OTOGL: variants seen among roughly 807,000 people sequenced by gnomAD.
OTOGL encodes otogelin-like protein.
In OTOGL, 285 loss-of-function variants were observed where a neutral mutation model predicts 318.5. That is an observed-to-expected ratio of 0.89 (90% CI 0.81 to 0.99). OTOGL has a LOEUF of 0.99. OTOGL is among the 50% of genes least tolerant of loss of function. The pLI is 0.00. For synonymous variants in OTOGL, 987 were observed against 936.5 expected, an observed-to-expected ratio of 1.05 and a Z score of -0.99; for missense variants, 2,899 against 2,845.6, an observed-to-expected ratio of 1.02 and a Z score of -0.43.
intron 1 of OTOGL, among the ~76,000 whole-genome samples, chr12:80,196,315 C>T (rs1876063886): frequency 6.6e-6 from 1 of 152,224 alleles, no homozygotes; most frequent in African/African-American, 2.4e-5. Context: ...TTCAACTATG[C>T]ACCTTACATG....
intron 1 of OTOGL, among the ~76,000 whole-genome samples, chr12:80,184,941 GA>G (rs1278312464): frequency 6.6e-6 from 1 of 152,172 alleles, no homozygotes; most frequent in Non-Finnish European, 1.5e-5. Flanking sequence ...ACAAGTATTG[GA>G]CTGTTACTCA....
chr12:80,304,810 G>C (rs1245544397), intron 28 of OTOGL, among the ~76,000 whole-genome samples: 3 of 152,066 alleles, frequency 2.0e-5, no homozygotes, highest in Non-Finnish European at 4.4e-5. Context: ...AGAAGCAGTA[G>C]AACTACTCCT....
chr12:80,333,494 A>T (rs1245313878), intron 38 of OTOGL, among the ~76,000 whole-genome samples: 2 of 151,958 alleles, frequency 1.3e-5, no homozygotes, highest in Non-Finnish European at 2.9e-5. Flanking sequence ...TTGGGCAGAG[A>T]TCTTCTTATA....
intron 32 of OTOGL, among the ~76,000 whole-genome samples, chr12:80,316,919 CTA>C (rs1448789727): frequency 3.9e-5 from 6 of 152,066 alleles, no homozygotes; most frequent in Admixed American, 3.3e-4. Flanking sequence ...ATGCCAGACA[CTA>C]TGTTATTAAG....
chr12:80,157,781 C>T (rs1456628995), intron 1 of OTOGL, among the ~76,000 whole-genome samples: 2 of 151,920 alleles, frequency 1.3e-5, no homozygotes, highest in Admixed American at 1.3e-4. Context: ...TTCTATTGGT[C>T]TGTGTGTCTG....
intron 29 of OTOGL, among the ~76,000 whole-genome samples, chr12:80,306,747 C>A (rs1886130916): frequency 6.7e-6 from 1 of 148,710 alleles, no homozygotes; most frequent in Non-Finnish European, 1.5e-5. Flanking sequence ...CTTCTCTCTG[C>A]AAATGAATTA....
At chr12:80,140,427 A>G (rs536662482) in intron 1 of OTOGL, among the ~76,000 whole-genome samples, 10 of 152,344 alleles carry the variant, frequency 6.6e-5, no homozygotes, top group African/African-American at 1.9e-4. Context: ...GTCAGGTGAC[A>G]TAAGATTTCA....
chr12:80,351,116 G>A (rs1889517360), intron 44 of OTOGL, among the ~76,000 whole-genome samples: 1 of 152,080 alleles, frequency 6.6e-6, no homozygotes, highest in Non-Finnish European at 1.5e-5. Context: ...TCATTCAACT[G>A]CTAGTGGATA....
At chr12:80,117,946 C>T (rs1325707493) in intron 1 of OTOGL, among the ~76,000 whole-genome samples, 1 of 152,172 alleles carries the variant, frequency 6.6e-6, no homozygotes, top group Non-Finnish European at 1.5e-5. Context: ...ACATATTCTC[C>T]TTTCTTCAAA....
intron 1 of OTOGL, chr12:80,133,623 G>A (rs1289468835): frequency 6.6e-6 from 1 of 151,838 alleles, no homozygotes; most frequent in Admixed American, 6.6e-5. Context: ...CCCAGACTAG[G>A]TCAGCTAACC....
intron 1 of OTOGL, among the ~76,000 whole-genome samples, chr12:80,188,952 G>A (rs11114348): frequency 3.3e-5 from 5 of 152,016 alleles, no homozygotes; most frequent in East Asian, 3.9e-4. Flanking sequence ...TCATCCTCCC[G>A]TTCTCTCTGT....
In OTOGL at chr12:80,189,416, C is replaced by G. The variant is rs1486434722; in HGVS notation, c.-19-19997C>G. On this transcript the variant is annotated intron_variant, in intron 1 of 58. Transcript: ENST00000547103. Reference sequence around the variant, plus strand: ...TTTGACCAATTGACCAAACAAGACCCAAGCAGCTGGGAAGTTTGTCAAGTC... The same window carrying G: ...TTTGACCAATTGACCAAACAAGACCGAAGCAGCTGGGAAGTTTGTCAAGTC... The G allele has an allele frequency of 3.0e-6, 3 of 985,144 alleles. No individual in the cohort carries two copies. The East Asian group carries it at 3.4e-4, about 112-fold the overall frequency. The allele number at this position is 985,144 out of a possible 1,614,324, so 61.0% of individuals were successfully genotyped here. A position where few individuals can be genotyped will look rare whatever the true frequency, so the allele number is the denominator to read the frequency against.
At position 80,308,915 on chromosome 12, in the gene OTOGL, C is replaced by T. The variant is rs868451644; in HGVS notation, c.3334-1696C>T. Among the ~76,000 whole-genome samples the T allele has an allele frequency of 2.8e-3, 428 of 152,190 alleles. 6 individuals carry two copies. The highest frequency in any genetic ancestry group is 9.7e-3 in the African/African-American group (402 of 41,504). On this transcript the variant is annotated intron_variant, in intron 29 of 58. Coordinates refer to ENST00000547103, the MANE Select transcript of OTOGL (RefSeq NM_001378609.3). ...AGGTTGCAGTGAGCCGAGATGGCAG[C>T]AGTACCGTCCAGCTTCGGCTCGGCA...
rs1888946476 is a variant in OTOGL at position 80,343,515 on chromosome 12, T to TG, written c.5265+1353_5265+1354insG. The TG allele has an allele frequency of 2.7e-5, 3 of 111,162 alleles. 1 individual carries two copies. Among genetic ancestry groups the TG allele is most frequent in the African/African-American group, 7.4e-5 (2 of 26,990 alleles). 6.9% of individuals were successfully genotyped at this position (111,162 alleles called of 1,614,324 possible). The stretch of plus-strand genomic sequence containing the variant: ...TTTATTATTTTTTATTCTTGTTTTT[T>TG]TTTTTTTTTTTTTTTTTTTTTAACT... On this transcript the variant is annotated intron_variant, in intron 44 of 58. Coordinates refer to ENST00000547103, the MANE Select transcript of OTOGL (RefSeq NM_001378609.3).
At position 80,251,803 on chromosome 12, in the gene OTOGL, T is replaced by C. The variant is rs1285130907; in HGVS notation, c.1159+4T>C. On this transcript the variant is annotated splice_donor_region_variant and intron_variant, in intron 12 of 58. Transcript: ENST00000547103. ...AGAGATGACTTTCCAGCATGCAGTA[T>C]GTTTTTTTATTTTCCAAGCCCTGTG... is the stretch of plus-strand genomic sequence containing the variant. 4.5e-6 allele frequency: 7 copies of C among 1,559,838 alleles called. No individual in the cohort carries two copies. Among genetic ancestry groups the C allele is most frequent in the Admixed American group, 1.9e-5 (1 of 52,092 alleles).
At chr12:80,343,461 T>C (rs1888915591) in intron 44 of OTOGL, 1 of 150,428 alleles carries the variant, frequency 6.6e-6, no homozygotes, top group African/African-American at 2.4e-5. Flanking sequence ...CACTGTATTA[T>C]TTTTTACATT....
chr12:80,337,084 A>T, intron 42 of OTOGL, 80 bp downstream of exon 42: 1 of 1,044,030 alleles, frequency 9.6e-7, no homozygotes, highest in Non-Finnish European at 1.4e-6. Context: ...TAAGAGGGAA[A>T]ATTAAGCATA....
intron 1 of OTOGL, among the ~76,000 whole-genome samples, chr12:80,124,715 G>T (rs1434155147): frequency 6.6e-6 from 1 of 151,952 alleles, no homozygotes; most frequent in Non-Finnish European, 1.5e-5. Context: ...TTATTTCCTT[G>T]AGCAGTGGTT....
rs750006025 is a variant in OTOGL at position 80,271,745 on chromosome 12, C to T, written c.2616C>T (p.Asn872=). ...GGVNCETTCA[N]LAMNFTCTPS... ...TTAATTGTGAGACTACATGTGCAAA[C>T]CTAGCCATGAACTTCACCTGCACCC... Residue 872 remains asparagine, a synonymous_variant, in exon 24 of 59, where the codon AAC becomes AAT. Coordinates refer to ENST00000547103, the MANE Select transcript of OTOGL (RefSeq NM_001378609.3). 5 of 1,613,118 alleles carry T rather than the reference C, an allele frequency of 3.1e-6. No individual in the cohort carries two copies. In the South Asian group the frequency reaches 5.5e-5, roughly 18 times the overall value.
Sources: gnomAD v4.1 joint callset for allele counts (sites outside exome capture counted in the v4.1 genomes callset) on GRCh38, gnomAD v4.1.1 for gene constraint, MANE v1.5 for transcripts, NCBI Gene and HGNC (gene_info 2026-07-23, HGNC 2026-07-21) for gene names.